WLS: variants seen among roughly 807,000 people sequenced by gnomAD.
The protein encoded by WLS is Wnt ligand secretion mediator.
In WLS, 23 loss-of-function variants were observed where a neutral mutation model predicts 62.8. The ratio of observed to expected loss-of-function variants is 0.37; its 90% CI spans 0.26 to 0.52. WLS has a LOEUF of 0.52. Among genes scored for constraint, WLS ranks in the 20% least tolerant of loss-of-function variants. The pLI is 0.92. For missense variants in WLS, 615 were observed against 697.3 expected (o/e 0.88, Z 1.33); for synonymous variants, 246 against 244.1 (o/e 1.01, Z -0.07).
At chr1:68,150,414 A>G in intron 5 of WLS, 58 bp from the exon 6 acceptor site, 6 of 1,596,638 alleles carry the variant, frequency 3.8e-6, no homozygotes, top group Non-Finnish European at 5.1e-6. Context: ...CAGATTTTCA[A>G]ACAATTCCCC....
At chr1:68,140,870 A>G (rs926260639) in intron 10 of WLS, among the ~76,000 whole-genome samples, 1 of 152,126 alleles carries the variant, frequency 6.6e-6, no homozygotes, top group Non-Finnish European at 1.5e-5. Flanking sequence ...AGCAGCCTCA[A>G]CAGAGCAGGC....
intron 2 of WLS, among the ~76,000 whole-genome samples, chr1:68,187,189 CA>C (rs34130992): frequency 0.019 from 1,065 of 57,186 alleles, 29 homozygotes; most frequent in African/African-American, 0.062. Context: ...ACTCCATCTC[CA>C]AAAAAAAAAA....
chr1:68,185,125 T>G (rs1647843812), intron 2 of WLS, among the ~76,000 whole-genome samples: 1 of 152,072 alleles, frequency 6.6e-6, no homozygotes, highest in Non-Finnish European at 1.5e-5. Flanking sequence ...AAAATTCAAT[T>G]TTGACACCAC....
rs567115982 is a variant in WLS, at chr1:68,150,162, C to T, written c.972+26G>A. On this transcript the variant is annotated intron_variant, in intron 6 of 11. Coordinates refer to ENST00000262348, the MANE Select transcript of WLS (RefSeq NM_024911.7). ...GCCTGCACAGAGCAGCTGGTACAGACGTCTGTCCCTCCCGGCGGCTCTTAC... is the reference window on the plus strand; with the variant it reads ...GCCTGCACAGAGCAGCTGGTACAGATGTCTGTCCCTCCCGGCGGCTCTTAC... The T allele has an allele frequency of 9.2e-5, 148 of 1,610,106 alleles. 1 individual carries two copies. The South Asian group carries it at 1.4e-3, about 15-fold the overall frequency.
At chr1:68,180,900 G>T (rs1647529030) in intron 2 of WLS, among the ~76,000 whole-genome samples, 1 of 152,138 alleles carries the variant, frequency 6.6e-6, no homozygotes, top group Admixed American at 6.5e-5. Flanking sequence ...TTCCTATAAA[G>T]AATTACTACT....
chr1:68,147,991 C>T lies in WLS; in HGVS notation c.1134+145G>A, dbSNP rs1646774348. 3.5e-6 allele frequency: 3 copies of T among 845,796 alleles called. No homozygotes were observed. In the East Asian group the frequency reaches 7.3e-5, roughly 21 times the overall value. The allele number at this position is 845,796 out of a possible 1,614,324, so 52.4% of individuals were successfully genotyped here. ...AGCAGTAATTCTTCTTATTATTAGC[C>T]TTAATTGTGCTGTTATGATTGGCCT... On this transcript the variant is annotated intron_variant, in intron 8 of 11. Transcript: ENST00000262348.
intron 11 of WLS, among the ~76,000 whole-genome samples, chr1:68,133,170 T>C (rs1431858328): frequency 1.3e-5 from 2 of 152,230 alleles, no homozygotes; most frequent in African/African-American, 2.4e-5. Context: ...CGTGTGTGTG[T>C]GTACACTCAG....
chr1:68,191,294 C>T (rs1557509297), intron 2 of WLS, among the ~76,000 whole-genome samples: 1 of 152,118 alleles, frequency 6.6e-6, no homozygotes. Flanking sequence ...CCCAAACATA[C>T]ATAAATCAGG....
chr1:68,197,807 G>T (rs1284026039), intron 1 of WLS, among the ~76,000 whole-genome samples: 1 of 152,120 alleles, frequency 6.6e-6, no homozygotes, highest in African/African-American at 2.4e-5. Flanking sequence ...AAAAAAGTTT[G>T]ATCTGTCTGT....
intron 1 of WLS, among the ~76,000 whole-genome samples, chr1:68,197,489 T>C (rs1222595023): frequency 6.6e-6 from 1 of 152,168 alleles, no homozygotes; most frequent in Admixed American, 6.5e-5. Context: ...CTGAAGATAA[T>C]TCAACATTTT....
At chr1:68,117,796 G>T (rs1241207021) in intron 11 of WLS, 2 of 152,232 alleles carry the variant, frequency 1.3e-5, no homozygotes, top group Non-Finnish European at 2.9e-5. Context: ...GGATGGGATG[G>T]CTCTGACACC....
intron 2 of WLS, among the ~76,000 whole-genome samples, chr1:68,167,642 T>C (rs755633494): frequency 3.9e-5 from 6 of 152,178 alleles, no homozygotes; most frequent in Admixed American, 2.0e-4. Context: ...GGTATCAGCA[T>C]AGGGCATTTA....
intron 11 of WLS, among the ~76,000 whole-genome samples, chr1:68,101,583 C>T (rs1432772095): frequency 6.6e-6 from 1 of 152,174 alleles, no homozygotes; most frequent in African/African-American, 2.4e-5. Flanking sequence ...AGAGTGCTGT[C>T]TTCTCTCTCT....
At chr1:68,113,551 C>G (rs1047360449) in intron 11 of WLS, among the ~76,000 whole-genome samples, 1 of 152,292 alleles carries the variant, frequency 6.6e-6, no homozygotes, top group Admixed American at 6.5e-5. Context: ...GATCCAAGCA[C>G]TTTGGCAGGT....
intron 11 of WLS, among the ~76,000 whole-genome samples, chr1:68,108,188 CTA>C (rs1269937497): frequency 1.3e-5 from 2 of 152,104 alleles, no homozygotes; most frequent in East Asian, 1.9e-4. Flanking sequence ...AAGCATCATC[CTA>C]TATGTTAGGA....
intron 2 of WLS, chr1:68,161,914 C>G: frequency 6.2e-7 from 1 of 1,610,534 alleles, no homozygotes; most frequent in Non-Finnish European, 8.5e-7. Context: ...TGGAGCCACG[C>G]CCACGATGCC....
chr1:68,200,071 A>C (rs924632388), intron 1 of WLS, among the ~76,000 whole-genome samples: 2 of 152,244 alleles, frequency 1.3e-5, no homozygotes, highest in Admixed American at 6.5e-5. Context: ...ATTCCTGTTT[A>C]TAAGAATTAA....
chr1:68,108,883 G>C (rs1646183277), intron 11 of WLS, among the ~76,000 whole-genome samples: 1 of 151,708 alleles, frequency 6.6e-6, no homozygotes, highest in Admixed American at 6.6e-5. Flanking sequence ...ATATATGAGG[G>C]AAAGAAATGG....
intron 10 of WLS, among the ~76,000 whole-genome samples, chr1:68,141,222 C>A (rs1016774100): frequency 1.3e-5 from 2 of 152,130 alleles, no homozygotes; most frequent in African/African-American, 2.4e-5. Context: ...GGAAACATTT[C>A]CTCTGTAAGT....
Sources: gnomAD v4.1 joint callset for allele counts (sites outside exome capture counted in the v4.1 genomes callset) on GRCh38, gnomAD v4.1.1 for gene constraint, MANE v1.5 for transcripts, NCBI Gene and HGNC (gene_info 2026-07-23, HGNC 2026-07-21) for gene names.